ZBTB16: variants seen among roughly 807,000 people sequenced by gnomAD.
The protein encoded by ZBTB16 is zinc finger and BTB domain containing 16.
ZBTB16 carries 8 observed loss-of-function variants against 56.8 expected under a neutral mutation model. That is an observed-to-expected ratio of 0.14 (90% CI 0.08 to 0.25). The LOEUF is 0.25. Among genes scored for constraint, ZBTB16 ranks in the 10% least tolerant of loss-of-function variants. The pLI is 1.00. For synonymous variants in ZBTB16, 363 were observed against 368.5 expected (o/e 0.98, Z 0.17); for missense variants, 625 against 903.0 (o/e 0.69, Z 3.95).
intron 2 of ZBTB16, among the ~76,000 whole-genome samples, chr11:114,086,511 A>G (rs1380163339): frequency 6.6e-6 from 1 of 152,076 alleles, no homozygotes; most frequent in Non-Finnish European, 1.5e-5. Context: ...GCCACAACCT[A>G]AGTTCCATGA....
At chr11:114,112,630 A>G (rs984075934) in intron 2 of ZBTB16, among the ~76,000 whole-genome samples, 1 of 152,158 alleles carries the variant, frequency 6.6e-6, no homozygotes, top group Admixed American at 6.5e-5. Flanking sequence ...CTACTTGAGG[A>G]GACCTTTCCT....
At chr11:114,065,686 A>AT (rs982960302) in intron 2 of ZBTB16, among the ~76,000 whole-genome samples, 14 of 152,276 alleles carry the variant, frequency 9.2e-5, no homozygotes, top group Admixed American at 8.5e-4. Context: ...AAAGTGCTGG[A>AT]TTACAGGTAT....
At chr11:114,235,783 TCCTTCTCC>T (rs1944575735) in intron 4 of ZBTB16, among the ~76,000 whole-genome samples, 7 of 145,906 alleles carry the variant, frequency 4.8e-5, no homozygotes, top group African/African-American at 1.9e-4. Flanking sequence ...CTTCCTTCCT[TCCTTCTCC>T]TTTTTTTTTT....
chr11:114,157,798 C>T (rs773471148), intron 3 of ZBTB16, among the ~76,000 whole-genome samples: 1 of 152,140 alleles, frequency 6.6e-6, no homozygotes, highest in Non-Finnish European at 1.5e-5. Flanking sequence ...CGGATTTGTC[C>T]ACAGCAGGCA....
At chr11:114,125,656 A>G (rs1010540380) in intron 2 of ZBTB16, among the ~76,000 whole-genome samples, 6 of 151,974 alleles carry the variant, frequency 3.9e-5, no homozygotes, top group Non-Finnish European at 1.5e-5. Flanking sequence ...GTGTCCTCCA[A>G]GTCTCCTCCC....
chr11:114,152,501 G>A (rs1046660636), intron 2 of ZBTB16, among the ~76,000 whole-genome samples: 1 of 152,192 alleles, frequency 6.6e-6, no homozygotes, highest in Non-Finnish European at 1.5e-5. Flanking sequence ...AGGTTAATGT[G>A]TTCTTTGTCT....
At chr11:114,071,550 A>G (rs529078482) in intron 2 of ZBTB16, among the ~76,000 whole-genome samples, 55 of 152,328 alleles carry the variant, frequency 3.6e-4, no homozygotes, top group Middle Eastern at 3.4e-3. Context: ...ATCAAATTCT[A>G]TTCACAGCTC....
At chr11:114,218,864 C>T (rs554524671) in intron 4 of ZBTB16, among the ~76,000 whole-genome samples, 5 of 152,280 alleles carry the variant, frequency 3.3e-5, no homozygotes, top group South Asian at 2.1e-4. Context: ...TAAAATGTTT[C>T]GGTGCTTTTA....
chr11:114,183,949 G>A (rs1271674936), intron 3 of ZBTB16, among the ~76,000 whole-genome samples: 2 of 152,230 alleles, frequency 1.3e-5, no homozygotes, highest in Non-Finnish European at 2.9e-5. Flanking sequence ...CCGTGTACCA[G>A]GTGCTTGGCC....
chr11:114,082,318 C>T (rs941908749), intron 2 of ZBTB16, among the ~76,000 whole-genome samples: 8 of 152,142 alleles, frequency 5.3e-5, no homozygotes, highest in African/African-American at 1.9e-4. Context: ...CAACACACAC[C>T]ATGAACTGTA....
chr11:114,203,991 A>G (rs1231322340), intron 4 of ZBTB16, among the ~76,000 whole-genome samples: 1 of 151,374 alleles, frequency 6.6e-6, no homozygotes, highest in Non-Finnish European at 1.5e-5. Context: ...AAAGCCAGCC[A>G]TCATCTGGCC....
At chr11:114,146,622 G>A (rs1464897394) in intron 2 of ZBTB16, among the ~76,000 whole-genome samples, 3 of 152,024 alleles carry the variant, frequency 2.0e-5, no homozygotes, top group African/African-American at 4.8e-5. Context: ...CGAGGCGGGT[G>A]GATCGCTTGA....
At chr11:114,222,454 G>C (rs1399500785) in intron 4 of ZBTB16, among the ~76,000 whole-genome samples, 1 of 152,156 alleles carries the variant, frequency 6.6e-6, no homozygotes, top group Non-Finnish European at 1.5e-5. Context: ...TGAGCAAAGT[G>C]ATTCTGGGCA....
chr11:114,103,438 C>T (rs1940683698), intron 2 of ZBTB16, among the ~76,000 whole-genome samples: 1 of 152,200 alleles, frequency 6.6e-6, no homozygotes, highest in African/African-American at 2.4e-5. Context: ...TCCGCTTGGA[C>T]TAAAGAAGTT....
At chr11:114,249,805 A>G (rs1376431433) in intron 6 of ZBTB16, among the ~76,000 whole-genome samples, 2 of 140,042 alleles carry the variant, frequency 1.4e-5, no homozygotes, top group Non-Finnish European at 3.0e-5. Context: ...CTTTAGCAGG[A>G]TAGGTGTCCC....
At chr11:114,235,662 CTTTCTTTCTTTCTTTCTTTCTTTCTTTCT>C (rs1334972119) in intron 4 of ZBTB16, among the ~76,000 whole-genome samples, 9 of 24,434 alleles carry the variant, frequency 3.7e-4, no homozygotes, top group South Asian at 2.0e-3. Flanking sequence ...TTCTTTCTTT[CTTTCTTTCTTTCTTTCTTTCTTTCTTTCT>C]TTTCTTTCTT....
chr11:114,221,969 A>G (rs1944239263), intron 4 of ZBTB16, among the ~76,000 whole-genome samples: 1 of 152,202 alleles, frequency 6.6e-6, no homozygotes, highest in Admixed American at 6.5e-5. Context: ...GACCCATGTT[A>G]CAGAGTGTCC....
rs369967362 is a variant in ZBTB16, at chr11:114,219,614, G to A, written c.1454-22553G>A. On this transcript the variant is annotated intron_variant, in intron 4 of 6. Coordinates refer to ENST00000335953, the MANE Select transcript of ZBTB16 (RefSeq NM_006006.6). Reference sequence around the variant, plus strand: ...GTCCTGGGCTGTGAGGGAGATAAAAGTTGATTGGTTTTTTTTCTTGCTCTG... The same window carrying A: ...GTCCTGGGCTGTGAGGGAGATAAAAATTGATTGGTTTTTTTTCTTGCTCTG... Among the ~76,000 whole-genome samples, 6 of 151,860 alleles carry A rather than the reference G, an allele frequency of 4.0e-5. No homozygotes were observed. In the South Asian group the frequency reaches 6.2e-4, roughly 16 times the overall value.
chr11:114,136,254 C>T lies in ZBTB16; in HGVS notation c.1269-20083C>T, dbSNP rs762952533. 3.8e-4 allele frequency among the ~76,000 whole-genome samples: 58 copies of T among 152,294 alleles called. 1 individual carries two copies. The highest frequency in any genetic ancestry group is 3.7e-4 in the Non-Finnish European group (25 of 68,030). On this transcript the variant is annotated intron_variant, in intron 2 of 6. Transcript: ENST00000335953. ...AGTGTTAAAAATGAGCCTTCAAGTACTATCTCGGCATTTTGCAAAGGTTAA... is the reference window on the plus strand; with the variant it reads ...AGTGTTAAAAATGAGCCTTCAAGTATTATCTCGGCATTTTGCAAAGGTTAA...
Sources: gnomAD v4.1 joint callset for allele counts (sites outside exome capture counted in the v4.1 genomes callset) on GRCh38, gnomAD v4.1.1 for gene constraint, MANE v1.5 for transcripts, NCBI Gene and HGNC (gene_info 2026-07-23, HGNC 2026-07-21) for gene names.